The following PCLO variants were observed in gnomAD, a reference collection of about 807,000 sequenced individuals.
PCLO encodes the protein protein piccolo.
A neutral mutation model predicts 427.5 loss-of-function variants in PCLO; 82 were observed. The observed-to-expected ratio is 0.19, with a 90% CI of 0.16 to 0.23. The LOEUF is 0.23. Ranked by LOEUF, PCLO falls within the 10% of genes least tolerant of loss-of-function variation. PCLO has a pLI of 1.00. For synonymous variants in PCLO, 2,357 were observed against 2,155.4 expected, an observed-to-expected ratio of 1.09 and a Z score of -2.59; for missense variants, 6,239 against 6,115.9, an observed-to-expected ratio of 1.02 and a Z score of -0.67.
chr7:83,028,776 C>G (rs909496458), intron 3 of PCLO, among the ~76,000 whole-genome samples: 1 of 150,160 alleles, frequency 6.7e-6, no homozygotes, highest in Admixed American at 6.6e-5. Context: ...ATCAATGGAA[C>G]AGAACAGAGC....
chr7:82,866,550 G>A lies in PCLO; in HGVS notation c.13654+12787C>T, dbSNP rs140891507. On this transcript the variant is annotated intron_variant, in intron 10 of 24. Coordinates refer to ENST00000333891, the MANE Select transcript of PCLO (RefSeq NM_033026.6). ...GCAAACTCAAGTGCTGTGGCTGACA[G>A]TGACTACGATTTGGGGAATGAGTAG... Among the ~76,000 whole-genome samples, 356 of 152,042 alleles carry A rather than the reference G, an allele frequency of 2.3e-3. 4 individuals carry two copies. The highest frequency in any genetic ancestry group is 8.3e-3 in the African/African-American group (346 of 41,472).
At chr7:82,782,056 A>AC (rs961868091) in intron 22 of PCLO, among the ~76,000 whole-genome samples, 1 of 152,192 alleles carries the variant, frequency 6.6e-6, no homozygotes, top group African/African-American at 2.4e-5. Flanking sequence ...GATCACAGGA[A>AC]CCCCAACTTG....
chr7:82,892,539 A>C (rs2116129550), intron 9 of PCLO, among the ~76,000 whole-genome samples: 1 of 152,236 alleles, frequency 6.6e-6, no homozygotes, highest in Admixed American at 6.5e-5. Flanking sequence ...TGTCTAAAAC[A>C]CCAAAAGCAA....
intron 21 of PCLO, among the ~76,000 whole-genome samples, chr7:82,805,188 A>G (rs912347587): frequency 1.2e-4 from 18 of 152,086 alleles, no homozygotes; most frequent in African/African-American, 4.3e-4. Context: ...GAAAGTATGG[A>G]AACACTTCGA....
intron 3 of PCLO, among the ~76,000 whole-genome samples, chr7:83,003,261 T>C (rs1265734166): frequency 1.3e-5 from 2 of 151,576 alleles, no homozygotes; most frequent in East Asian, 3.9e-4. Flanking sequence ...TATTATATAC[T>C]AATATTTTAA....
chr7:83,006,982 C>A (rs10277466), intron 3 of PCLO, among the ~76,000 whole-genome samples: 2 of 151,072 alleles, frequency 1.3e-5, no homozygotes, highest in South Asian at 2.1e-4. Flanking sequence ...GTATTTATTA[C>A]GTTAATTTAC....
At chr7:82,875,261 T>C (rs1793341817) in intron 10 of PCLO, among the ~76,000 whole-genome samples, 1 of 152,140 alleles carries the variant, frequency 6.6e-6, no homozygotes, top group South Asian at 2.1e-4. Context: ...AGTAAAGTTC[T>C]TGAACTGCAT....
chr7:83,090,875 C>T (rs1790360579), intron 3 of PCLO, among the ~76,000 whole-genome samples: 1 of 152,078 alleles, frequency 6.6e-6, no homozygotes, highest in Non-Finnish European at 1.5e-5. Context: ...CATTGCCTCC[C>T]TTTCCTATTA....
intron 20 of PCLO, among the ~76,000 whole-genome samples, chr7:82,818,837 A>G (rs1476743594): frequency 6.6e-6 from 1 of 152,208 alleles, no homozygotes; most frequent in Non-Finnish European, 1.5e-5. Flanking sequence ...AACACTCTGT[A>G]CAACATGAAG....
chr7:83,003,916 T>C (rs1364733415), intron 3 of PCLO, among the ~76,000 whole-genome samples: 2 of 151,530 alleles, frequency 1.3e-5, no homozygotes, highest in African/African-American at 4.9e-5. Flanking sequence ...TGAGAAGGAT[T>C]TGTATTAACT....
rs762817967 is a variant in PCLO at position 83,078,864 on chromosome 7, T to C, written c.3300+55386A>G. ...AGCATTAATTATTAATATAAACCTA[T>C]TTTTGCAGAACTTGGCATTTATAAA... is the stretch of plus-strand genomic sequence containing the variant. On this transcript the variant is annotated intron_variant, in intron 3 of 24. Transcript: ENST00000333891. 1.0e-3 allele frequency among the ~76,000 whole-genome samples: 156 copies of C among 152,064 alleles called. 1 individual carries two copies. Among genetic ancestry groups the C allele is most frequent in the Non-Finnish European group, 1.7e-3 (113 of 68,018 alleles).
chr7:82,839,779 G>A (rs1333970885), intron 14 of PCLO, among the ~76,000 whole-genome samples: 3 of 151,908 alleles, frequency 2.0e-5, no homozygotes, highest in South Asian at 2.1e-4. Context: ...AGTTACTCAG[G>A]GTCAGCTTTG....
At chr7:82,940,755 CTTTTTT>C (rs71531190) in intron 6 of PCLO, among the ~76,000 whole-genome samples, 3 of 109,124 alleles carry the variant, frequency 2.7e-5, no homozygotes, top group African/African-American at 1.1e-4. Flanking sequence ...TTTTTTCTTT[CTTTTTT>C]TTTTTTTTTT....
rs144334017 is a variant in PCLO, at chr7:82,949,266, C to T, written c.11112+210G>A. 8.3e-4 allele frequency among the ~76,000 whole-genome samples: 126 copies of T among 151,986 alleles called. 1 individual carries two copies. The highest frequency in any genetic ancestry group is 2.7e-3 in the African/African-American group (110 of 41,402). On this transcript the variant is annotated intron_variant, in intron 6 of 24. Transcript: ENST00000333891. ...GAATGTATGGTTTCCTACACACACA[C>T]ACACACACAAGCGCACACACACACG... is the stretch of plus-strand genomic sequence containing the variant.
At chr7:83,058,207 A>G (rs1789450016) in intron 3 of PCLO, among the ~76,000 whole-genome samples, 1 of 152,214 alleles carries the variant, frequency 6.6e-6, no homozygotes, top group Admixed American at 6.5e-5. Flanking sequence ...GTAGTTTGAA[A>G]TCAGGACAGT....
rs1792276184 is a variant in PCLO at position 82,838,205 on chromosome 7, T to G, written c.14222+13A>C. 1 of 1,586,916 alleles carries G rather than the reference T, an allele frequency of 6.3e-7. No homozygotes were observed. The highest frequency in any genetic ancestry group is 1.1e-5 in the South Asian group (1 of 88,126). On this transcript the variant is annotated intron_variant, in intron 15 of 24. Coordinates refer to ENST00000333891, the MANE Select transcript of PCLO (RefSeq NM_033026.6). ...TTAAAGCATGAGATGAAGTACTTCT[T>G]AATTTTACTTACCCTCTCCCTGGAA...
chr7:83,113,065 A>G (rs185650892), intron 3 of PCLO, among the ~76,000 whole-genome samples: 1 of 152,324 alleles, frequency 6.6e-6, no homozygotes, highest in African/African-American at 2.4e-5. Context: ...GTAGCTATCA[A>G]AGCTAGCATT....
chr7:82,855,149 C>A (rs969301480), intron 10 of PCLO, among the ~76,000 whole-genome samples: 2 of 151,988 alleles, frequency 1.3e-5, no homozygotes, highest in African/African-American at 4.8e-5. Flanking sequence ...TAATAGTTAA[C>A]AATAAAAATA....
At position 83,156,181 on chromosome 7, in the gene PCLO, G is replaced by C; in HGVS notation, c.460C>G (p.Pro154Ala). 13 of 1,613,424 alleles carry C rather than the reference G, an allele frequency of 8.1e-6. No individual in the cohort carries two copies. Among genetic ancestry groups the C allele is most frequent in the Non-Finnish European group, 1.1e-5 (13 of 1,179,518 alleles). The change falls in exon 2 of 25, where the codon CCT becomes GCT. Residue 154 changes from proline (P) to alanine (A), a missense_variant. By Grantham distance (27) the Pro-to-Ala change is conservative (BLOSUM62 -1). This residue lies in a region of PCLO where 4,677 missense variants were observed against 4,468.4 expected (regional missense o/e 1.05). Coordinates refer to ENST00000333891, the MANE Select transcript of PCLO (RefSeq NM_033026.6). ...LKEEHKSSMM[P>A]GFLSEVNALS... is the part of the protein sequence containing the mutation. Reference sequence around the variant, plus strand: ...GCGTTAACCTCTGAGAGGAAGCCAGGCATCATACTAGACTTGTGCTCTTCC... The same window carrying C: ...GCGTTAACCTCTGAGAGGAAGCCAGCCATCATACTAGACTTGTGCTCTTCC...
Sources: allele counts gnomAD v4.1 joint callset (sites outside exome capture counted in the v4.1 genomes callset), GRCh38; gene constraint gnomAD v4.1.1; regional missense constraint gnomAD v4.1.1; transcripts MANE v1.5; gene names NCBI Gene and HGNC (gene_info 2026-07-23, HGNC 2026-07-21).